Variants in FSTL5 observed in about 807,000 individuals in gnomAD.
FSTL5 encodes follistatin like 5.
In FSTL5, 62 loss-of-function variants were observed where a neutral mutation model predicts 89.1. The observed-to-expected ratio is 0.70, with a 90% CI of 0.57 to 0.86. The LOEUF (loss-of-function observed/expected upper bound fraction) is 0.86, where lower values mean the gene tolerates loss of function less well. FSTL5 is among the 40% of genes least tolerant of loss of function. The pLI is 0.00. For synonymous variants in FSTL5, 383 were observed against 346.2 expected, an observed-to-expected ratio of 1.11 and a Z score of -1.18; for missense variants, 1,057 against 1,001.6, an observed-to-expected ratio of 1.06 and a Z score of -0.75.
At chr4:161,591,326 A>G (rs1447606657) in intron 7 of FSTL5, among the ~76,000 whole-genome samples, 2 of 152,180 alleles carry the variant, frequency 1.3e-5, no homozygotes, top group Non-Finnish European at 2.9e-5. Flanking sequence ...AGTGGGAAAT[A>G]ACTGCTAATA....
chr4:161,721,271 C>G (rs1470614492), intron 6 of FSTL5, among the ~76,000 whole-genome samples: 5 of 109,242 alleles, frequency 4.6e-5, no homozygotes. Flanking sequence ...GGCGACAGAG[C>G]GAGACTCCGT....
At chr4:161,610,293 G>T (rs1196384656) in intron 7 of FSTL5, among the ~76,000 whole-genome samples, 1 of 152,108 alleles carries the variant, frequency 6.6e-6, no homozygotes, top group Non-Finnish European at 1.5e-5. Flanking sequence ...AATAAAGCAT[G>T]CTGTAAATCA....
rs751577179 is a variant in FSTL5 at position 161,491,885 on chromosome 4, C to T, written c.1458+8131G>A. 4.6e-5 allele frequency among the ~76,000 whole-genome samples: 7 copies of T among 151,930 alleles called. No homozygotes were observed. The East Asian group carries it at 5.8e-4, about 13-fold the overall frequency. On this transcript the variant is annotated intron_variant, in intron 12 of 15. Coordinates refer to ENST00000306100, the MANE Select transcript of FSTL5 (RefSeq NM_020116.5). ...GAGAGCCAGCAAATAGGTCCCATTC[C>T]CCATTCCAGCAGAAACACCTTGGTA...
chr4:161,413,158 G>A (rs2110942282), intron 15 of FSTL5, among the ~76,000 whole-genome samples: 1 of 148,650 alleles, frequency 6.7e-6, no homozygotes, highest in Non-Finnish European at 1.5e-5. Context: ...CTCAACCTAT[G>A]CATCTGACAA....
intron 3 of FSTL5, among the ~76,000 whole-genome samples, chr4:161,953,734 C>G (rs542147437): frequency 6.6e-6 from 1 of 151,474 alleles, no homozygotes; most frequent in Non-Finnish European, 1.5e-5. Flanking sequence ...CCAGAGGGAA[C>G]AAAAAGCACA....
rs558198515 is a variant in FSTL5 at position 162,005,528 on chromosome 4, C to T, written c.160+28097G>A. 4.1e-4 allele frequency among the ~76,000 whole-genome samples: 62 copies of T among 151,966 alleles called. 1 individual carries two copies. The highest frequency in any genetic ancestry group is 1.7e-3 in the South Asian group (8 of 4,826). On this transcript the variant is annotated intron_variant, in intron 3 of 15. Coordinates refer to ENST00000306100, the MANE Select transcript of FSTL5 (RefSeq NM_020116.5). ...GAGTCAAATGGGAAAACCAGTGAGA[C>T]GGGAATGGGATCCCAAGAAAATTCA...
chr4:161,687,431 CA>C (rs913391426), intron 6 of FSTL5, among the ~76,000 whole-genome samples: 6 of 151,920 alleles, frequency 3.9e-5, no homozygotes, highest in Admixed American at 6.6e-5. Flanking sequence ...TTTTAATTGA[CA>C]AAAAATGTAT....
intron 2 of FSTL5, among the ~76,000 whole-genome samples, chr4:162,072,897 G>T (rs1492445): frequency 0.94 from 143,192 of 151,838 alleles, 67,627 homozygotes; most frequent in Non-Finnish European, 0.98. Context: ...AACAAAAAAG[G>T]CTGATCTTCC....
intron 3 of FSTL5, among the ~76,000 whole-genome samples, chr4:161,973,636 T>C (rs1302479817): frequency 2.0e-5 from 3 of 152,196 alleles, no homozygotes; most frequent in Admixed American, 2.0e-4. Context: ...GTTCAAAATG[T>C]AATTCAGTCT....
At chr4:161,712,762 A>G (rs191585037) in intron 6 of FSTL5, among the ~76,000 whole-genome samples, 143 of 149,786 alleles carry the variant, frequency 9.5e-4, no homozygotes, top group African/African-American at 3.4e-3. Context: ...TGCTTAAAAG[A>G]GCTTGACCCC....
intron 3 of FSTL5, among the ~76,000 whole-genome samples, chr4:162,031,322 T>C (rs1737513216): frequency 6.6e-6 from 1 of 152,142 alleles, no homozygotes; most frequent in South Asian, 2.1e-4. Context: ...TTCAAAGAAT[T>C]ACTAGCTGAT....
chr4:161,544,164 G>A (rs1377960914), intron 8 of FSTL5, among the ~76,000 whole-genome samples: 1 of 152,058 alleles, frequency 6.6e-6, no homozygotes, highest in East Asian at 1.9e-4. Context: ...AGAGGGAAAT[G>A]CAAATCAAAA....
At chr4:161,787,953 T>G (rs1741962997) in intron 4 of FSTL5, among the ~76,000 whole-genome samples, 1 of 152,164 alleles carries the variant, frequency 6.6e-6, no homozygotes, top group African/African-American at 2.4e-5. Context: ...ATGAATATAT[T>G]TAAGAAAAAA....
intron 12 of FSTL5, among the ~76,000 whole-genome samples, chr4:161,487,020 C>A (rs1411983007): frequency 6.6e-6 from 1 of 152,122 alleles, no homozygotes; most frequent in Non-Finnish European, 1.5e-5. Context: ...ATTTCCAACA[C>A]CTACATAATT....
intron 6 of FSTL5, among the ~76,000 whole-genome samples, chr4:161,683,233 T>C (rs76459975): frequency 0.011 from 1,620 of 152,242 alleles, 29 homozygotes; most frequent in African/African-American, 0.036. Flanking sequence ...CACAAACACA[T>C]GAGTAATGCG....
At chr4:161,989,283 G>A (rs1470606451) in intron 3 of FSTL5, among the ~76,000 whole-genome samples, 1 of 152,112 alleles carries the variant, frequency 6.6e-6, no homozygotes, top group African/African-American at 2.4e-5. Flanking sequence ...TCCTCCCTCT[G>A]AGTAAGCTGA....
chr4:162,101,718 A>G (rs2111384096), intron 2 of FSTL5, among the ~76,000 whole-genome samples: 1 of 152,336 alleles, frequency 6.6e-6, no homozygotes, highest in African/African-American at 2.4e-5. Flanking sequence ...TGGCTTGTAT[A>G]CTGTAGGGTT....
At chr4:161,986,506 T>G (rs1054477208) in intron 3 of FSTL5, among the ~76,000 whole-genome samples, 2 of 152,178 alleles carry the variant, frequency 1.3e-5, no homozygotes, top group African/African-American at 2.4e-5. Flanking sequence ...GAGCCGAGAT[T>G]GTGCCACTGC....
chr4:161,521,171 A>G (rs1275997144), intron 10 of FSTL5, among the ~76,000 whole-genome samples: 1 of 152,194 alleles, frequency 6.6e-6, no homozygotes, highest in Non-Finnish European at 1.5e-5. Context: ...TTCTCCTAAA[A>G]CATTTGATGG....
Sources: allele counts gnomAD v4.1 joint callset (sites outside exome capture counted in the v4.1 genomes callset), GRCh38; gene constraint gnomAD v4.1.1; transcripts MANE v1.5; gene names NCBI Gene and HGNC (gene_info 2026-07-23, HGNC 2026-07-21).